The following TNS1 variants were observed in gnomAD, a reference collection of about 807,000 sequenced individuals.
TNS1 encodes the protein tensin-1.
Under a neutral mutation model 168.6 loss-of-function variants are expected in TNS1, and 62 were observed. The ratio of observed to expected loss-of-function variants is 0.37; its 90% CI spans 0.30 to 0.45. The LOEUF (loss-of-function observed/expected upper bound fraction) is 0.45. Ranked by LOEUF, TNS1 falls within the 20% of genes least tolerant of loss-of-function variation. The probability of loss-of-function intolerance (pLI) is 1.00; values close to 1 mark genes in which losing one functional copy is unlikely to be tolerated. For missense variants in TNS1, 2,240 were observed against 2,339.4 expected (o/e 0.96, Z 0.88); for synonymous variants, 934 against 933.2 (o/e 1.00, Z -0.02).
At chr2:217,891,789 C>T (rs561482270) in intron 11 of TNS1, among the ~76,000 whole-genome samples, 1 of 152,268 alleles carries the variant, frequency 6.6e-6, no homozygotes, top group East Asian at 1.9e-4. Context: ...CTCAGCCCCT[C>T]GCATTCCCAT....
intron 2 of TNS1, among the ~76,000 whole-genome samples, chr2:217,985,307 T>C (rs1379897039): frequency 1.3e-5 from 2 of 152,180 alleles, no homozygotes; most frequent in African/African-American, 4.8e-5. Context: ...ATGCTTGCTA[T>C]ATATCAGGCT....
chr2:217,891,795 C>A (rs961503280), intron 11 of TNS1, among the ~76,000 whole-genome samples: 2 of 152,150 alleles, frequency 1.3e-5, no homozygotes, highest in South Asian at 4.1e-4. Context: ...CCCTCGCATT[C>A]CCATCCTTCC....
At chr2:217,852,513 C>T (rs1035270752) in intron 18 of TNS1, among the ~76,000 whole-genome samples, 1 of 152,204 alleles carries the variant, frequency 6.6e-6, no homozygotes, top group Non-Finnish European at 1.5e-5. Flanking sequence ...ACATGTTCCA[C>T]AGTGAGAGCC....
At chr2:217,808,011 G>C (rs377297216) in intron 32 of TNS1, 64 bp downstream of exon 32, 43 of 1,593,822 alleles carry the variant, frequency 2.7e-5, no homozygotes, top group Non-Finnish European at 3.7e-5. Flanking sequence ...AATGTGCCCC[G>C]TGCTTCCCTC....
intron 3 of TNS1, among the ~76,000 whole-genome samples, chr2:217,930,036 T>C (rs75867385): frequency 0.017 from 2,620 of 152,318 alleles, 74 homozygotes; most frequent in African/African-American, 0.06. Flanking sequence ...TGTCCTAATA[T>C]GGCCATCAGG....
intron 1 of TNS1, among the ~76,000 whole-genome samples, chr2:218,001,325 T>C (rs1958559543): frequency 6.6e-6 from 1 of 152,002 alleles, no homozygotes; most frequent in South Asian, 2.1e-4. Context: ...CATCCCTACC[T>C]CTCTGTACCC....
chr2:217,999,474 G>C (rs771751203), intron 1 of TNS1, among the ~76,000 whole-genome samples: 88 of 152,274 alleles, frequency 5.8e-4, no homozygotes, highest in Non-Finnish European at 2.8e-4. Flanking sequence ...TTGCACTCTC[G>C]GCCAGCATGC....
chr2:217,937,595 C>T (rs1295682393), intron 3 of TNS1, among the ~76,000 whole-genome samples: 5 of 152,166 alleles, frequency 3.3e-5, no homozygotes, highest in Admixed American at 2.6e-4. Context: ...GAGTTGGGGG[C>T]AGGGCGGGGA....
chr2:217,801,797 T>C lies in TNS1; in HGVS notation c.*2662A>G. 6.6e-6 allele frequency: 1 copy of C among 152,220 alleles called. No individual in the cohort carries two copies. Among genetic ancestry groups the C allele is most frequent in the Non-Finnish European group, 1.5e-5 (1 of 68,054 alleles). 9.4% of individuals were successfully genotyped at this position (152,220 alleles called of 1,614,324 possible). A position where few individuals can be genotyped will look rare whatever the true frequency, so the allele number is the denominator to read the frequency against. On this transcript the variant is annotated 3_prime_UTR_variant, in exon 33 of 33. Transcript: ENST00000682258. ...GGCCACTGTGGGGACTGGGGAACCC[T>C]TCCCCATCATTCGCCTTGAAAAGTC...
At chr2:217,961,603 C>T (rs1167972496) in intron 3 of TNS1, among the ~76,000 whole-genome samples, 3 of 152,174 alleles carry the variant, frequency 2.0e-5, no homozygotes, top group Non-Finnish European at 4.4e-5. Context: ...CACAAACCCT[C>T]ACAGAGAGTG....
chr2:217,888,451 C>T (rs558144749), intron 12 of TNS1, among the ~76,000 whole-genome samples: 4 of 152,162 alleles, frequency 2.6e-5, no homozygotes, highest in African/African-American at 9.7e-5. Flanking sequence ...AGGAGCCAGG[C>T]AGACACGCCC....
chr2:217,962,999 G>T (rs759444319), intron 3 of TNS1, among the ~76,000 whole-genome samples: 1 of 152,182 alleles, frequency 6.6e-6, no homozygotes, highest in Non-Finnish European at 1.5e-5. Flanking sequence ...TTGGGTGAAG[G>T]ATATAAGGAA....
Position 217,813,621 on chromosome 2 carries a change from C to A in TNS1, c.4861+64G>T. 6.5e-7 allele frequency: 1 copy of A among 1,543,010 alleles called. No homozygotes were observed. Among genetic ancestry groups the A allele is most frequent in the Non-Finnish European group, 8.7e-7 (1 of 1,144,776 alleles). ...CCCAGCACCCTGGGTCCCTCCAGCA[C>A]CTCCAGGTTTAGCGACTGTAAAGCT... On this transcript the variant is annotated intron_variant, in intron 26 of 32. Transcript: ENST00000682258. The surrounding 1 kb of genome is among the most constrained non-coding windows in gnomAD (Gnocchi z 4.0).
At position 217,831,534 on chromosome 2, in the gene TNS1, CG is replaced by C. The variant is rs780920211; in HGVS notation, c.3293del (p.Pro1098ArgfsTer13). On this transcript the variant is annotated frameshift_variant, in exon 22 of 33. Transcript: ENST00000682258. LOFTEE classifies it high-confidence loss of function. ...SPPPSGVRSP[P>X]GLAKTPLSAL... Reference sequence around the variant, plus strand: ...CAGACAGGGGTGTCTTGGCCAGACCCGGGGGGGACCGCACTGTGCCAGGAAG... The same window carrying C: ...CAGACAGGGGTGTCTTGGCCAGACCCGGGGGGACCGCACTGTGCCAGGAAG... The C allele has an allele frequency of 2.6e-5, 40 of 1,533,926 alleles. No individual in the cohort carries two copies. Among genetic ancestry groups the C allele is most frequent in the South Asian group, 1.0e-4 (8 of 77,662 alleles).
chr2:217,834,126 C>G (rs1559195040), intron 21 of TNS1, among the ~76,000 whole-genome samples: 1 of 152,222 alleles, frequency 6.6e-6, no homozygotes, highest in Non-Finnish European at 1.5e-5. Flanking sequence ...CCTGGGGCCA[C>G]CAATCAGTCA....
At position 217,841,986 on chromosome 2, in the gene TNS1, C is replaced by A. The variant is rs986991442; in HGVS notation, c.3007+5524G>T. On this transcript the variant is annotated intron_variant, in intron 19 of 32. Coordinates refer to ENST00000682258, the MANE Select transcript of TNS1 (RefSeq NM_001387777.1). Reference sequence around the variant, plus strand: ...TGTTGACTTCTAACCCACCTTCACACCACAGGGGCCACAGGAGTGGCCAAC... The same window carrying A: ...TGTTGACTTCTAACCCACCTTCACAACACAGGGGCCACAGGAGTGGCCAAC... 4.4e-6 allele frequency: 3 copies of A among 685,678 alleles called. No individual in the cohort carries two copies. The African/African-American group carries it at 5.3e-5, about 12-fold the overall frequency. 42.5% of individuals were successfully genotyped at this position (685,678 alleles called of 1,614,324 possible).
At chr2:217,820,727 A>G (rs892300036) in intron 23 of TNS1, among the ~76,000 whole-genome samples, 5 of 151,930 alleles carry the variant, frequency 3.3e-5, no homozygotes, top group Non-Finnish European at 5.9e-5. Flanking sequence ...CTCCTTTCCT[A>G]TGCCGTCATC....
chr2:217,848,239 G>A lies in TNS1; in HGVS notation c.2278C>T (p.Arg760Ter). The A allele has an allele frequency of 1.3e-6, 2 of 1,570,726 alleles. No homozygotes were observed. The highest frequency in any genetic ancestry group is 8.6e-7 in the Non-Finnish European group (1 of 1,158,608). Residue 760 changes from arginine (R) to a stop codon, truncating the protein, a stop_gained, in exon 19 of 33, where the codon CGA becomes TGA. Transcript: ENST00000682258. LOFTEE classifies it high-confidence loss of function. Reference protein sequence around the residue: ...AEPQLPPAPVRGGSSREAVQR... With the variant: ...AEPQLPPAPV Reference sequence around the variant, plus strand: ...ACAGCCTCCCGGCTGCTTCCCCCTCGGACCGGAGCTGGGGGCAGCTGGGGT... The same window carrying A: ...ACAGCCTCCCGGCTGCTTCCCCCTCAGACCGGAGCTGGGGGCAGCTGGGGT...
Position 217,885,792 on chromosome 2 carries a change from G to GCTA in TNS1, c.1065_1067dup (p.Ser356dup). 1.2e-6 allele frequency: 2 copies of GCTA among 1,614,160 alleles called. No homozygotes were observed. Among genetic ancestry groups the GCTA allele is most frequent in the Middle Eastern group, 1.6e-4 (1 of 6,062 alleles). On this transcript the variant is annotated inframe_insertion, in exon 15 of 33. Coordinates refer to ENST00000682258, the MANE Select transcript of TNS1 (RefSeq NM_001387777.1). ...GTCCTGGCTCGATGGTGATGCAGAC[G>GCTA]CTAGTCTGGCTGTCTCCTGGGATGT... is the stretch of plus-strand genomic sequence containing the variant.
Sources: allele counts gnomAD v4.1 joint callset (sites outside exome capture counted in the v4.1 genomes callset), GRCh38; gene constraint gnomAD v4.1.1; non-coding constraint Gnocchi (gnomAD v3.1); transcripts MANE v1.5; gene names NCBI Gene and HGNC (gene_info 2026-07-23, HGNC 2026-07-21).